ATP7A: variants seen among roughly 807,000 people sequenced by gnomAD.
ATP7A encodes copper-transporting ATPase 1.
Under a neutral mutation model 83.5 loss-of-function variants are expected in ATP7A, and 7 were observed. That is an observed-to-expected ratio of 0.08 (90% CI 0.05 to 0.16). The LOEUF (loss-of-function observed/expected upper bound fraction) is 0.16, where lower values mean the gene tolerates loss of function less well. ATP7A is among the 10% of genes least tolerant of loss of function. The pLI, the probability that ATP7A is intolerant of heterozygous loss-of-function variation, is 1.00. For synonymous variants in ATP7A, 354 were observed against 395.2 expected, an observed-to-expected ratio of 0.90 and a Z score of 1.24; for missense variants, 940 against 1,120.8, an observed-to-expected ratio of 0.84 and a Z score of 2.30.
At position 78,017,627 on chromosome X, in the gene ATP7A, A is replaced by G. The variant is rs113898852; in HGVS notation, c.2626+1746A>G. Reference sequence around the variant, plus strand: ...ACACATAAAACTGAATGCTTTCAGAATAATGTAGGTCATGTCTTGAATGCT... The same window carrying G: ...ACACATAAAACTGAATGCTTTCAGAGTAATGTAGGTCATGTCTTGAATGCT... On this transcript the variant is annotated intron_variant, in intron 12 of 22. Transcript: ENST00000341514. Among the ~76,000 whole-genome samples the G allele has an allele frequency of 2.7e-3, 296 of 111,406 alleles. 3 individuals carry two copies. Among genetic ancestry groups the G allele is most frequent in the African/African-American group, 9.0e-3 (277 of 30,692 alleles).
chrX:77,947,098 C>G (rs1557226242), intron 1 of ATP7A, among the ~76,000 whole-genome samples: 6 of 111,914 alleles, frequency 5.4e-5, no homozygotes, highest in Admixed American at 9.5e-5. Flanking sequence ...GAATTAAATT[C>G]TGACACATGA....
chrX:78,019,112 T>G (rs183556364), intron 12 of ATP7A, among the ~76,000 whole-genome samples: 13 of 112,264 alleles, frequency 1.2e-4, no homozygotes, highest in African/African-American at 3.9e-4. Flanking sequence ...CTTTTATCAC[T>G]GGAGATTATT....
At chrX:77,978,139 T>G (rs1210618190) in intron 2 of ATP7A, among the ~76,000 whole-genome samples, 2 of 111,732 alleles carry the variant, frequency 1.8e-5, no homozygotes, top group East Asian at 5.6e-4. Flanking sequence ...CCATTTCTAC[T>G]TCAATGACTC....
intron 1 of ATP7A, among the ~76,000 whole-genome samples, chrX:77,916,354 C>CAAAAAAAAAA (rs782551060): frequency 6.2e-5 from 2 of 32,488 alleles, no homozygotes; most frequent in African/African-American, 1.1e-4. Context: ...GACCCTGTCT[C>CAAAAAAAAAA]AAAAAAAAAA....
chrX:78,030,694 C>CTTTTT (rs781934660), intron 15 of ATP7A, among the ~76,000 whole-genome samples: 1 of 95,760 alleles, frequency 1.0e-5, no homozygotes, highest in African/African-American at 3.8e-5. Flanking sequence ...TTCTTTCTTT[C>CTTTTT]TTTTTTTTTT....
intron 2 of ATP7A, among the ~76,000 whole-genome samples, chrX:77,978,906 A>G (rs2077590367): frequency 9.0e-6 from 1 of 111,029 alleles, no homozygotes; most frequent in Non-Finnish European, 1.9e-5. Flanking sequence ...ATCTCGGCTC[A>G]CTGCAACCTT....
chrX:77,950,756 GC>G (rs1181270248), intron 1 of ATP7A, among the ~76,000 whole-genome samples: 3 of 111,158 alleles, frequency 2.7e-5, no homozygotes, highest in African/African-American at 9.8e-5. Context: ...AGGCGCAGTG[GC>G]TCACGCCTGT....
At chrX:78,046,153 A>G in intron 22 of ATP7A, 141 bp from the exon 23 acceptor site, 1 of 686,867 alleles carries the variant, frequency 1.5e-6, no homozygotes, top group Non-Finnish European at 2.2e-6. Context: ...GTTTCAAGCT[A>G]TTTTCCTACC....
intron 15 of ATP7A, among the ~76,000 whole-genome samples, chrX:78,031,083 T>C (rs1276349860): frequency 9.0e-6 from 1 of 111,655 alleles, no homozygotes; most frequent in Non-Finnish European, 1.9e-5. Flanking sequence ...TTTTTTACCT[T>C]GAGGCACTAG....
intron 2 of ATP7A, among the ~76,000 whole-genome samples, chrX:77,976,910 C>A (rs1557230372): frequency 9.0e-6 from 1 of 110,757 alleles, no homozygotes; most frequent in Admixed American, 9.7e-5. Flanking sequence ...TCTACCTTGG[C>A]GTAATTCCAG....
chrX:78,007,590 G>T (rs1178941768), intron 6 of ATP7A, among the ~76,000 whole-genome samples: 1 of 112,383 alleles, frequency 8.9e-6, no homozygotes, highest in African/African-American at 3.2e-5. Context: ...CTCCCAAAGT[G>T]CTGGGATTAC....
intron 2 of ATP7A, among the ~76,000 whole-genome samples, chrX:77,979,439 T>A (rs181026160): frequency 3.0e-4 from 34 of 112,175 alleles, no homozygotes; most frequent in Admixed American, 4.8e-4. Flanking sequence ...GGTGACAGAA[T>A]AATCTGTACA....
intron 1 of ATP7A, among the ~76,000 whole-genome samples, chrX:77,911,294 T>G (rs1251912529): frequency 8.9e-6 from 1 of 112,364 alleles, no homozygotes; most frequent in Non-Finnish European, 1.9e-5. Flanking sequence ...CTGAGAGAAC[T>G]CTTGTTTCCA....
intron 1 of ATP7A, among the ~76,000 whole-genome samples, chrX:77,928,617 C>T (rs782795328): frequency 1.8e-5 from 2 of 111,595 alleles, no homozygotes; most frequent in Admixed American, 1.9e-4. Context: ...TTTCCCCACA[C>T]GAAACAGTGT....
intron 6 of ATP7A, among the ~76,000 whole-genome samples, chrX:78,008,689 A>G (rs1489325273): frequency 9.0e-6 from 1 of 111,022 alleles, no homozygotes; most frequent in Admixed American, 9.7e-5. Flanking sequence ...TGGTATCCTA[A>G]TGATCATATC....
chrX:77,915,525 AC>A (rs1278148011), intron 1 of ATP7A, among the ~76,000 whole-genome samples: 1 of 111,053 alleles, frequency 9.0e-6, no homozygotes, highest in Non-Finnish European at 1.9e-5. Context: ...TAATACATGT[AC>A]GGTGTCTGGC....
chrX:78,022,538 G>A (rs1168457334), intron 14 of ATP7A, among the ~76,000 whole-genome samples: 1 of 56,922 alleles, frequency 1.8e-5, no homozygotes, highest in African/African-American at 6.1e-5. Flanking sequence ...TATTTATTGC[G>A]ACAGAGTCTT....
intron 18 of ATP7A, among the ~76,000 whole-genome samples, 197 bp from the exon 19 acceptor site, chrX:78,040,394 T>G (rs1557238224): frequency 9.0e-6 from 1 of 111,628 alleles, no homozygotes; most frequent in African/African-American, 3.3e-5. Flanking sequence ...ACTCTGAAAT[T>G]TTCATAACCA....
intron 18 of ATP7A, among the ~76,000 whole-genome samples, chrX:78,039,342 G>GT (rs1315856161): frequency 5.4e-5 from 6 of 110,253 alleles, no homozygotes; most frequent in Admixed American, 9.7e-5. Context: ...TCTTGTTTTT[G>GT]TTTTTTTTGA....
Sources: gnomAD v4.1 joint callset for allele counts (sites outside exome capture counted in the v4.1 genomes callset) on GRCh38, gnomAD v4.1.1 for gene constraint, MANE v1.5 for transcripts, NCBI Gene and HGNC (gene_info 2026-07-23, HGNC 2026-07-21) for gene names.